The following C1RL variants were observed in gnomAD, a reference collection of about 807,000 sequenced individuals.
The protein encoded by C1RL is complement C1r subcomponent like, also known as complement C1r subcomponent-like protein.
A neutral mutation model predicts 27.9 loss-of-function variants in C1RL; 27 were observed. The ratio of observed to expected loss-of-function variants is 0.97; its 90% CI spans 0.71 to 1.33. The LOEUF (loss-of-function observed/expected upper bound fraction) is 1.33, where lower values mean the gene tolerates loss of function less well. C1RL is among the 40% of genes most tolerant of loss of function. C1RL has a pLI of 0.00. For synonymous variants in C1RL, 248 were observed against 252.1 expected (o/e 0.98, Z 0.15); for missense variants, 563 against 623.9 (o/e 0.90, Z 1.04).
At position 7,099,739 on chromosome 12, in the gene C1RL, G is replaced by T; in HGVS notation, c.638C>A (p.Pro213Gln). ...AAAGALTCAT[P>Q]GTWKDRQDGE... The stretch of plus-strand genomic sequence containing the variant: ...ATCCTGTCTGTCTTTCCAGGTCCCT[G>T]GGGTTGCACAGGTGAGTGCCCCTGT... Residue 213 changes from proline to glutamine, a missense_variant, in exon 5 of 6, where the codon CCA (proline) becomes CAA (glutamine). Coordinates refer to ENST00000266542, the MANE Select transcript of C1RL (RefSeq NM_016546.4). The T allele has an allele frequency of 6.4e-7, 1 of 1,574,052 alleles. No individual in the cohort carries two copies. Among genetic ancestry groups the T allele is most frequent in the East Asian group, 2.3e-5 (1 of 43,306 alleles).
In C1RL at chr12:7,096,280, T is replaced by TTCC; in HGVS notation, c.*110_*111insGGA. 1.0e-6 allele frequency: 1 copy of TTCC among 992,736 alleles called. No individual in the cohort carries two copies. Among genetic ancestry groups the TTCC allele is most frequent in the African/African-American group, 2.4e-5 (1 of 40,976 alleles). 61.5% of individuals were successfully genotyped at this position (992,736 alleles called of 1,614,324 possible). A position where few individuals can be genotyped will look rare whatever the true frequency, so the allele number is the denominator to read the frequency against. On this transcript the variant is annotated 3_prime_UTR_variant, in exon 6 of 6. Coordinates refer to ENST00000266542, the MANE Select transcript of C1RL (RefSeq NM_016546.4). ...GTGATGTGAATAGGATTTCCCTGCCTCCCCCAACCCCCCACCCCCAACCCC... is the reference window on the plus strand; with the variant it reads ...GTGATGTGAATAGGATTTCCCTGCCTTCCCCCCCAACCCCCCACCCCCAACCCC...
chr12:7,108,490 G>A lies in C1RL; in HGVS notation c.72-11C>T, dbSNP rs111395419. On this transcript the variant is annotated splice_polypyrimidine_tract_variant and intron_variant, in intron 1 of 5. Coordinates refer to ENST00000266542, the MANE Select transcript of C1RL (RefSeq NM_016546.4). The stretch of plus-strand genomic sequence containing the variant: ...AGAAGCAGCCACCACCTGTGAGTTG[G>A]GGGGAGGGCAAGGTGGGGCCGCGCA... The A allele has an allele frequency of 8.9e-6, 14 of 1,572,094 alleles. No individual in the cohort carries two copies. The highest frequency in any genetic ancestry group is 2.3e-5 in the South Asian group (2 of 85,856).
intron 2 of C1RL, among the ~76,000 whole-genome samples, chr12:7,103,448 C>T (rs1938679973): frequency 6.6e-6 from 1 of 152,200 alleles, no homozygotes; most frequent in Non-Finnish European, 1.5e-5. Flanking sequence ...TGTGTGGCCT[C>T]TTCCAGCATG....
chr12:7,096,779 C>G lies in C1RL; in HGVS notation c.1076G>C (p.Cys359Ser). 6.2e-7 allele frequency: 1 copy of G among 1,606,358 alleles called. No individual in the cohort carries two copies. Among genetic ancestry groups the G allele is most frequent in the Non-Finnish European group, 8.5e-7 (1 of 1,175,690 alleles). The stretch of plus-strand genomic sequence containing the variant: ...GTAGAGGGTCTCATTATCGGGCAGA[C>G]AGACCGGGAGGACGTTGGGGCCCAG... ...IPLGPNVLPV[C>S]LPDNETLYRS... is the part of the protein sequence containing the mutation. The change falls in exon 6 of 6, where the codon TGT becomes TCT. Residue 359 changes from cysteine (C) to serine (S), a missense_variant. Coordinates refer to ENST00000266542, the MANE Select transcript of C1RL (RefSeq NM_016546.4).
At position 7,095,146 on chromosome 12, in the gene C1RL, T is replaced by G; in HGVS notation, c.*1245A>C. On this transcript the variant is annotated 3_prime_UTR_variant, in exon 6 of 6. Transcript: ENST00000266542. ...TTTTTTTTTTGGGGGGGATGAAGTC[T>G]TGGTCTGTCCGCAGGCTGGAGTGCA... 4 of 1,238,418 alleles carry G rather than the reference T, an allele frequency of 3.2e-6. No homozygotes were observed. Among genetic ancestry groups the G allele is most frequent in the Non-Finnish European group, 4.1e-6 (4 of 966,412 alleles). 76.7% of individuals were successfully genotyped at this position (1,238,418 alleles called of 1,614,324 possible). A position where few individuals can be genotyped will look rare whatever the true frequency, so the allele number is the denominator to read the frequency against.
Position 7,095,180 on chromosome 12 carries a change from A to ATC in C1RL, c.*1209_*1210dup. 1 of 1,126,222 alleles carries ATC rather than the reference A, an allele frequency of 8.9e-7. No homozygotes were observed. Among genetic ancestry groups the ATC allele is most frequent in the South Asian group, 1.5e-5 (1 of 68,808 alleles). 69.8% of individuals were successfully genotyped at this position (1,126,222 alleles called of 1,614,324 possible). Reference sequence around the variant, plus strand: ...CCGCAGGCTGGAGTGCAGTGGCGTGATCTTAGCTCACTGCAACCTCCGCCT... The same window carrying ATC: ...CCGCAGGCTGGAGTGCAGTGGCGTGATCTCTTAGCTCACTGCAACCTCCGCCT... On this transcript the variant is annotated 3_prime_UTR_variant, in exon 6 of 6. Transcript: ENST00000266542.
rs779556364 is a variant in C1RL, at chr12:7,108,308, G to A, written c.243C>T (p.Leu81=). Residue 81 remains leucine (L), a synonymous_variant, in exon 2 of 6, where the codon CTC becomes CTT. Transcript: ENST00000266542. ...GCTCCAGGTCGAAGTCCTGGAAGAC[G>A]AGCCTCACAGCAAAGCCCTCTGGAG... The part of the protein sequence containing the change: ...IKAPEGFAVR[L]VFQDFDLEPS... 3.3e-5 allele frequency: 54 copies of A among 1,614,224 alleles called. No individual in the cohort carries two copies. In the East Asian group the frequency reaches 9.8e-4, roughly 29 times the overall value.
chr12:7,096,964 C>T lies in C1RL; in HGVS notation c.891G>A (p.Gln297=). The change falls in exon 6 of 6, where the codon CAG becomes CAA. Residue 297 remains glutamine, a synonymous_variant. Coordinates refer to ENST00000266542, the MANE Select transcript of C1RL (RefSeq NM_016546.4). ...TGTGGCCCAAGAACACATTCACACT[C>T]TGGTTCTTCCTGAGAGAAACACTGT... ...PKDSVSLRKN[Q]SVNVFLGHTA... The T allele has an allele frequency of 1.9e-6, 3 of 1,613,834 alleles. No homozygotes were observed. Among genetic ancestry groups the T allele is most frequent in the Non-Finnish European group, 2.5e-6 (3 of 1,179,804 alleles).
At chr12:7,097,354 C>T (rs753713644) in intron 5 of C1RL, 191 bp from the exon 6 acceptor site, 5 of 551,596 alleles carry the variant, frequency 9.1e-6, no homozygotes, top group Non-Finnish European at 1.5e-5. Context: ...GCGATCTCGG[C>T]TCACTGCAAC....
chr12:7,100,634 C>A (rs1031102463), intron 3 of C1RL, among the ~76,000 whole-genome samples: 1 of 151,886 alleles, frequency 6.6e-6, no homozygotes. Context: ...ATTAAAAATG[C>A]AAAAATTAGC....
intron 3 of C1RL, among the ~76,000 whole-genome samples, chr12:7,100,473 A>G (rs764620953): frequency 1.3e-5 from 2 of 152,346 alleles, no homozygotes; most frequent in East Asian, 3.9e-4. Flanking sequence ...TGACACATCA[A>G]TCAAGGAGAT....
chr12:7,105,691 G>A (rs1938748854), intron 2 of C1RL, among the ~76,000 whole-genome samples: 1 of 152,292 alleles, frequency 6.6e-6, no homozygotes, highest in East Asian at 1.9e-4. Flanking sequence ...CCACTATAGA[G>A]AACAGAAGAA....
chr12:7,101,969 C>G lies in C1RL; in HGVS notation c.419G>C (p.Arg140Pro). The change falls in exon 3 of 6, where the codon CGC (arginine) becomes CCC (proline). Residue 140 changes from arginine to proline, a missense_variant. By Grantham distance (103) the Arg-to-Pro change is moderately radical. Coordinates refer to ENST00000266542, the MANE Select transcript of C1RL (RefSeq NM_016546.4). ...CTTGTTCTCCGAGGAAGGCTGTGTGCGGAAGGTCAGCCGCAAACTCCTCCC... is the reference window on the plus strand; with the variant it reads ...CTTGTTCTCCGAGGAAGGCTGTGTGGGGAAGGTCAGCCGCAAACTCCTCCC... Reference protein sequence around the residue: ...SSGRSLRLTFRTQPSSENKTA... With the variant: ...SSGRSLRLTFPTQPSSENKTA... 1 of 1,614,210 alleles carries G rather than the reference C, an allele frequency of 6.2e-7. No homozygotes were observed. Among genetic ancestry groups the G allele is most frequent in the Non-Finnish European group, 8.5e-7 (1 of 1,180,028 alleles).
Position 7,099,955 on chromosome 12 carries a change from G to T in C1RL, c.562C>A (p.Pro188Thr), listed in dbSNP as rs746832090. The change falls in exon 4 of 6, where the codon CCT (proline) becomes ACT (threonine). Residue 188 changes from proline (P) to threonine (T), a missense_variant. Coordinates refer to ENST00000266542, the MANE Select transcript of C1RL (RefSeq NM_016546.4). ...SEAINAPGDN[P>T]AKVQNHCQEP... The stretch of plus-strand genomic sequence containing the variant: ...TGGCAGTGGTTCTGGACCTTGGCAG[G>T]GTTGTCTCCAGGTGCGTTGATGGCC... The T allele has an allele frequency of 6.2e-7, 1 of 1,614,026 alleles. No individual in the cohort carries two copies. The highest frequency in any genetic ancestry group is 8.5e-7 in the Non-Finnish European group (1 of 1,180,010).
intron 2 of C1RL, among the ~76,000 whole-genome samples, chr12:7,103,867 C>T (rs10842032): frequency 1.3e-5 from 2 of 152,084 alleles, no homozygotes; most frequent in South Asian, 2.1e-4. Flanking sequence ...TTAAGAGGAA[C>T]GGGACTCATG....
At chr12:7,099,041 C>CAAAAAAAAAAA (rs35402492) in intron 5 of C1RL, among the ~76,000 whole-genome samples, 1 of 127,572 alleles carries the variant, frequency 7.8e-6, no homozygotes, top group Non-Finnish European at 1.7e-5. Context: ...ACTAAAAATA[C>CAAAAAAAAAAA]AAAAAAAAAA....
chr12:7,107,536 T>C (rs1938800662), intron 2 of C1RL, among the ~76,000 whole-genome samples: 2 of 152,142 alleles, frequency 1.3e-5, no homozygotes, highest in Admixed American at 1.3e-4. Context: ...ATTAAAAATT[T>C]TAAAATTAAA....
Position 7,108,272 on chromosome 12 carries a change from G to A in C1RL, c.279C>T (p.Asp93=), listed in dbSNP as rs1427699938. The part of the protein sequence containing the change: ...FQDFDLEPSQ[D]CAGDSVTISF... ...TCACTGTGACAGAGTCCCCTGCACA[G>A]TCCTGGGACGGCTCCAGGTCGAAGT... is the stretch of plus-strand genomic sequence containing the variant. The change falls in exon 2 of 6, where the codon GAC becomes GAT. Residue 93 remains aspartate, a synonymous_variant. Transcript: ENST00000266542. 6.2e-7 allele frequency: 1 copy of A among 1,613,500 alleles called. No individual in the cohort carries two copies. The highest frequency in any genetic ancestry group is 8.5e-7 in the Non-Finnish European group (1 of 1,179,776).
Position 7,096,082 on chromosome 12 carries a change from T to G in C1RL, c.*309A>C. On this transcript the variant is annotated 3_prime_UTR_variant, in exon 6 of 6. Transcript: ENST00000266542. The stretch of plus-strand genomic sequence containing the variant: ...CAACAGATGAAGTAGGGGAAGGCGG[T>G]TCTAAGGACATTCAAGGCGAAAGTT... 2 of 1,129,240 alleles carry G rather than the reference T, an allele frequency of 1.8e-6. No homozygotes were observed. The highest frequency in any genetic ancestry group is 3.4e-5 in the South Asian group (1 of 29,214). 70.0% of individuals were successfully genotyped at this position (1,129,240 alleles called of 1,614,324 possible). A position where few individuals can be genotyped will look rare whatever the true frequency, so the allele number is the denominator to read the frequency against.
Sources: gnomAD v4.1 joint callset for allele counts (sites outside exome capture counted in the v4.1 genomes callset) on GRCh38, gnomAD v4.1.1 for gene constraint, MANE v1.5 for transcripts, NCBI Gene and HGNC (gene_info 2026-07-23, HGNC 2026-07-21) for gene names.